MCTP2: variants seen among roughly 807,000 people sequenced by gnomAD.
MCTP2 encodes the protein multiple C2 and transmembrane domain containing 2, also known as multiple C2 and transmembrane domain-containing protein 2.
MCTP2 carries 132 observed loss-of-function variants against 111.6 expected under a neutral mutation model. The observed-to-expected ratio is 1.18, with a 90% CI of 1.03 to 1.37. The LOEUF is 1.37. MCTP2 is among the 40% of genes most tolerant of loss of function. The pLI is 0.00. For missense variants in MCTP2, 1,183 were observed against 1,067.9 expected (o/e 1.11, Z -1.50); for synonymous variants, 395 against 387.7 (o/e 1.02, Z -0.22).
At chr15:94,436,878 C>G (rs978514546) in intron 17 of MCTP2, among the ~76,000 whole-genome samples, 1 of 151,006 alleles carries the variant, frequency 6.6e-6, no homozygotes, top group Non-Finnish European at 1.5e-5. Context: ...CCCCAAAAAA[C>G]GTAACAATAG....
rs554364404 is a variant in MCTP2 at position 94,471,496 on chromosome 15, A to G, written c.2470+1054A>G. Among the ~76,000 whole-genome samples the G allele has an allele frequency of 5.3e-5, 8 of 152,342 alleles. No homozygotes were observed. In the East Asian group the frequency reaches 1.5e-3, roughly 29 times the overall value. ...AGAAAAGCCAAACTTGGGCAATAGG[A>G]AAAAGTCACGGGAAAAATAGAGTAG... On this transcript the variant is annotated intron_variant, in intron 21 of 22. Coordinates refer to ENST00000357742, the MANE Select transcript of MCTP2 (RefSeq NM_001385001.1).
intron 14 of MCTP2, among the ~76,000 whole-genome samples, chr15:94,387,038 G>C (rs761037327): frequency 6.6e-6 from 1 of 151,986 alleles, no homozygotes; most frequent in Admixed American, 6.6e-5. Context: ...ATTCTACCTC[G>C]TATTTTGAAG....
chr15:94,367,135 A>G (rs1391716881), intron 10 of MCTP2, among the ~76,000 whole-genome samples: 1 of 152,202 alleles, frequency 6.6e-6, no homozygotes, highest in East Asian at 1.9e-4. Flanking sequence ...ATCAGGAAGA[A>G]AACGATTTCT....
At chr15:94,379,968 C>G (rs190227817) in intron 12 of MCTP2, among the ~76,000 whole-genome samples, 79 of 149,876 alleles carry the variant, frequency 5.3e-4, no homozygotes, top group Middle Eastern at 3.5e-3. Flanking sequence ...TGACCTGTCC[C>G]GTCTCCACAA....
chr15:94,266,599 C>G (rs2152290604), intron 1 of MCTP2, among the ~76,000 whole-genome samples: 1 of 152,224 alleles, frequency 6.6e-6, no homozygotes. Context: ...ACTGAGGTAC[C>G]AACACTCAAT....
At chr15:94,297,724 C>T (rs2075339653) in intron 1 of MCTP2, among the ~76,000 whole-genome samples, 1 of 152,134 alleles carries the variant, frequency 6.6e-6, no homozygotes, top group Non-Finnish European at 1.5e-5. Flanking sequence ...TGAGTAGTAG[C>T]GACAGACACC....
intron 12 of MCTP2, among the ~76,000 whole-genome samples, chr15:94,374,334 G>A (rs2079641282): frequency 6.6e-6 from 1 of 152,212 alleles, no homozygotes; most frequent in Non-Finnish European, 1.5e-5. Flanking sequence ...TACCCATTGA[G>A]AGAGATCAGC....
At chr15:94,242,528 G>C (rs891505062) in intron 1 of MCTP2, among the ~76,000 whole-genome samples, 1 of 151,888 alleles carries the variant, frequency 6.6e-6, no homozygotes, top group Non-Finnish European at 1.5e-5. Context: ...CTTCTAACCA[G>C]GATAAGGATG....
At chr15:94,311,749 T>C (rs1006213558) in intron 2 of MCTP2, among the ~76,000 whole-genome samples, 1 of 152,232 alleles carries the variant, frequency 6.6e-6, no homozygotes, top group Non-Finnish European at 1.5e-5. Context: ...CTTGTTGTTA[T>C]AAGTGGAAGA....
At chr15:94,454,709 A>G (rs1342151040) in intron 19 of MCTP2, among the ~76,000 whole-genome samples, 6 of 152,146 alleles carry the variant, frequency 3.9e-5, no homozygotes. Flanking sequence ...TCTGAATGGA[A>G]GTGAATTTTT....
chr15:94,365,576 A>G (rs925253975), intron 10 of MCTP2, among the ~76,000 whole-genome samples: 1 of 152,214 alleles, frequency 6.6e-6, no homozygotes, highest in Non-Finnish European at 1.5e-5. Context: ...AAATTTTCAC[A>G]GTTATTCCAA....
intron 4 of MCTP2, among the ~76,000 whole-genome samples, chr15:94,328,831 T>C (rs1490389291): frequency 6.6e-6 from 1 of 151,688 alleles, no homozygotes; most frequent in East Asian, 1.9e-4. Context: ...CTGGGAAGAG[T>C]TGAAGGTTGG....
intron 2 of MCTP2, among the ~76,000 whole-genome samples, chr15:94,312,533 T>A (rs904201204): frequency 3.3e-5 from 5 of 152,218 alleles, no homozygotes; most frequent in African/African-American, 1.2e-4. Flanking sequence ...ATATAGTGGC[T>A]ATAGTGCCAG....
intron 2 of MCTP2, among the ~76,000 whole-genome samples, chr15:94,304,129 G>T (rs758616114): frequency 2.6e-5 from 4 of 152,284 alleles, no homozygotes; most frequent in Non-Finnish European, 5.9e-5. Context: ...CAACTAATTT[G>T]CCATGAGAAT....
At position 94,298,670 on chromosome 15, in the gene MCTP2, C is replaced by G. The variant is rs749023206; in HGVS notation, c.405C>G (p.Ser135Arg). 37 of 1,613,438 alleles carry G rather than the reference C, an allele frequency of 2.3e-5. No individual in the cohort carries two copies. Among genetic ancestry groups the G allele is most frequent in the Non-Finnish European group, 2.8e-5 (33 of 1,179,834 alleles). Residue 135 changes from serine (S) to arginine (R), a missense_variant, in exon 2 of 23, where the codon AGC becomes AGG. By Grantham distance (110) the Ser-to-Arg change is moderately radical. Coordinates refer to ENST00000357742, the MANE Select transcript of MCTP2 (RefSeq NM_001385001.1). Reference protein sequence around the residue: ...ASPAERRRVSSNGIFDLQKTS... With the variant: ...ASPAERRRVSRNGIFDLQKTS... ...CTGCTGAGCGGAGACGGGTGTCCAG[C>G]AACGGCATCTTTGATCTTCAGAAAA... is the stretch of plus-strand genomic sequence containing the variant.
intron 8 of MCTP2, among the ~76,000 whole-genome samples, chr15:94,350,954 A>G (rs906080628): frequency 6.6e-6 from 1 of 152,114 alleles, no homozygotes; most frequent in African/African-American, 2.4e-5. Context: ...GTCACTGGGT[A>G]TGTGCAGTCT....
chr15:94,406,949 C>A (rs2081932843), intron 17 of MCTP2, among the ~76,000 whole-genome samples: 1 of 146,098 alleles, frequency 6.8e-6, no homozygotes, highest in South Asian at 2.2e-4. Flanking sequence ...TTTAAAATAT[C>A]TTGAAATAAT....
intron 14 of MCTP2, among the ~76,000 whole-genome samples, chr15:94,391,613 C>G (rs577711074): frequency 6.5e-4 from 99 of 152,226 alleles, no homozygotes; most frequent in Non-Finnish European, 9.1e-4. Flanking sequence ...TCACTTTGAA[C>G]GGAAATTTCA....
intron 1 of MCTP2, among the ~76,000 whole-genome samples, chr15:94,287,697 G>A (rs2074827258): frequency 6.6e-6 from 1 of 152,216 alleles, no homozygotes; most frequent in Non-Finnish European, 1.5e-5. Context: ...TCGACAAACA[G>A]GAAAGCCATT....
Sources: allele counts gnomAD v4.1 joint callset (sites outside exome capture counted in the v4.1 genomes callset), GRCh38; gene constraint gnomAD v4.1.1; transcripts MANE v1.5; gene names NCBI Gene and HGNC (gene_info 2026-07-23, HGNC 2026-07-21).